The following ZMYM2 variants were observed in gnomAD, a reference collection of about 807,000 sequenced individuals.
ZMYM2 encodes the protein zinc finger MYM-type containing 2.
ZMYM2 carries 56 observed loss-of-function variants against 162.8 expected under a neutral mutation model. The ratio of observed to expected loss-of-function variants is 0.34; its 90% confidence interval spans 0.28 to 0.43. The LOEUF (loss-of-function observed/expected upper bound fraction) is 0.43, where lower values mean the gene tolerates loss of function less well. ZMYM2 is among the 20% of genes least tolerant of loss of function. The pLI is 1.00. For missense variants in ZMYM2, 1,275 were observed against 1,621.8 expected (o/e 0.79, Z 3.67); for synonymous variants, 510 against 541.6 (o/e 0.94, Z 0.81).
chr13:20,024,169 A>G (rs1952369026), intron 7 of ZMYM2, among the ~76,000 whole-genome samples: 1 of 151,796 alleles, frequency 6.6e-6, no homozygotes, highest in African/African-American at 2.4e-5. Context: ...TCCCAACCTC[A>G]TGATCTGCCC....
chr13:20,010,635 C>CTGTT (rs150287324), intron 6 of ZMYM2, among the ~76,000 whole-genome samples: 15,337 of 150,778 alleles, frequency 0.1, 1,246 homozygotes, highest in African/African-American at 0.22. Context: ...TTTTGTTTGT[C>CTGTT]TGTTTGTTTG....
chr13:20,039,869 T>TC (rs1954082202), intron 12 of ZMYM2, among the ~76,000 whole-genome samples: 1 of 152,220 alleles, frequency 6.6e-6, no homozygotes, highest in Admixed American at 6.5e-5. Flanking sequence ...TTAGTTCTGT[T>TC]TATGTGATGA....
chr13:19,903,415 G>A, the ZMYM2 span, among the ~76,000 whole-genome samples: 939 of 148,630 alleles, frequency 6.3e-3, 17 homozygotes, highest in African/African-American at 0.021. Context: ...TGAGGCGGGC[G>A]GATCACGAGG....
chr13:20,081,505 A>C (rs772892083), intron 21 of ZMYM2, among the ~76,000 whole-genome samples: 11 of 152,154 alleles, frequency 7.2e-5, no homozygotes, highest in Non-Finnish European at 1.5e-4. Flanking sequence ...ATATAGAGAC[A>C]ATAAGAAAAA....
chr13:19,943,503 G>A, the ZMYM2 span, among the ~76,000 whole-genome samples: 12 of 152,054 alleles, frequency 7.9e-5, no homozygotes, highest in Admixed American at 7.9e-4. Flanking sequence ...ACCACCTGAT[G>A]TTCAAAAATA....
Position 20,086,982 on chromosome 13 carries a change from G to T in ZMYM2, c.*968G>T, listed in dbSNP as rs1225863110. 1 of 181,780 alleles carries T rather than the reference G, an allele frequency of 5.5e-6. No individual in the cohort carries two copies. Among genetic ancestry groups the T allele is most frequent in the African/African-American group, 2.4e-5 (1 of 42,300 alleles). The allele number at this position is 181,780 out of a possible 1,614,324, so 11.3% of individuals were successfully genotyped here. A position where few individuals can be genotyped will look rare whatever the true frequency, so the allele number is the denominator to read the frequency against. ...GGATACAGATCATGCTGCAATGTTA[G>T]CTGTGTAGTACTCTAAAACTTAGCA... On this transcript the variant is annotated 3_prime_UTR_variant, in exon 25 of 25. Coordinates refer to ENST00000610343, the MANE Select transcript of ZMYM2 (RefSeq NM_197968.4).
intron 2 of ZMYM2, among the ~76,000 whole-genome samples, chr13:19,973,072 G>A (rs1381749722): frequency 1.3e-5 from 2 of 151,714 alleles, no homozygotes; most frequent in African/African-American, 4.8e-5. Flanking sequence ...GAGTAGCTGG[G>A]ATTACAGGTG....
At chr13:19,999,284 G>A (rs180986268) in intron 3 of ZMYM2, among the ~76,000 whole-genome samples, 12 of 152,262 alleles carry the variant, frequency 7.9e-5, no homozygotes, top group Admixed American at 7.2e-4. Context: ...ACATTGAGCC[G>A]AGTAAGTCTT....
chr13:19,950,670 T>G, the ZMYM2 span, among the ~76,000 whole-genome samples: 1 of 152,258 alleles, frequency 6.6e-6, no homozygotes, highest in Non-Finnish European at 1.5e-5. Flanking sequence ...TTCCGGGTCC[T>G]GCCCAATTAG....
At chr13:20,060,102 G>T (rs1205531809) in intron 16 of ZMYM2, among the ~76,000 whole-genome samples, 2 of 152,146 alleles carry the variant, frequency 1.3e-5, no homozygotes, top group Non-Finnish European at 2.9e-5. Context: ...GTAGGGGTGT[G>T]GAACTTGAGT....
chr13:19,965,350 T>A (rs985257867), intron 2 of ZMYM2: 6 of 816,120 alleles, frequency 7.4e-6, no homozygotes, highest in African/African-American at 5.4e-5. Flanking sequence ...CTTCTAATAC[T>A]GGAACAGTTT....
chr13:20,030,659 A>C (rs186485868), intron 9 of ZMYM2, among the ~76,000 whole-genome samples: 11 of 152,012 alleles, frequency 7.2e-5, no homozygotes, highest in Non-Finnish European at 1.3e-4. Flanking sequence ...TGGCCTCCCA[A>C]AGTGCCGGGA....
At chr13:19,867,725 G>A in the ZMYM2 span, among the ~76,000 whole-genome samples, 1 of 151,952 alleles carries the variant, frequency 6.6e-6, no homozygotes, top group Admixed American at 6.6e-5. Context: ...TCCCGGGTTC[G>A]AATGATTCTC....
intron 3 of ZMYM2, 134 bp from the exon 4 acceptor site, chr13:20,002,716 C>T: frequency 1.8e-6 from 2 of 1,117,088 alleles, no homozygotes; most frequent in South Asian, 1.6e-5. Flanking sequence ...CTATATACCT[C>T]TCTGCTATGT....
chr13:19,926,317 T>C, the ZMYM2 span, among the ~76,000 whole-genome samples: 3 of 151,550 alleles, frequency 2.0e-5, no homozygotes, highest in South Asian at 6.3e-4. Context: ...ATAAAGGATG[T>C]ATTGTTTTTT....
intron 14 of ZMYM2, among the ~76,000 whole-genome samples, chr13:20,055,952 T>C (rs566822597): frequency 8.5e-5 from 13 of 152,328 alleles, no homozygotes; most frequent in Admixed American, 1.3e-4. Context: ...GAGGCGAGTT[T>C]TGCAGATCAA....
intron 12 of ZMYM2, among the ~76,000 whole-genome samples, chr13:20,046,697 G>GT (rs1954863966): frequency 6.6e-6 from 1 of 150,844 alleles, no homozygotes; most frequent in Non-Finnish European, 1.5e-5. Context: ...ATATGTGTGT[G>GT]TGTGTATATA....
chr13:20,056,697 TG>T (rs1315117606), intron 14 of ZMYM2, among the ~76,000 whole-genome samples: 4 of 150,374 alleles, frequency 2.7e-5, no homozygotes. Context: ...TAAAGAACAA[TG>T]TTAAAAACAT....
the ZMYM2 span, among the ~76,000 whole-genome samples, chr13:19,884,572 T>C: frequency 1.3e-5 from 2 of 151,060 alleles, no homozygotes; most frequent in African/African-American, 4.9e-5. Flanking sequence ...GAAACCTGTA[T>C]CAAAAAGAAA....
Sources: allele counts gnomAD v4.1 joint callset (sites outside exome capture counted in the v4.1 genomes callset), GRCh38; gene constraint gnomAD v4.1.1; transcripts MANE v1.5; gene names NCBI Gene and HGNC (gene_info 2026-07-23, HGNC 2026-07-21).